Variants in CLCN7 observed in about 807,000 individuals in gnomAD.
CLCN7 encodes Cl-/H+ antiporter 7.
A neutral mutation model predicts 102.1 loss-of-function variants in CLCN7; 60 were observed. The ratio of observed to expected loss-of-function variants is 0.59; its 90% CI spans 0.48 to 0.73. The LOEUF (loss-of-function observed/expected upper bound fraction) is 0.73, where lower values mean the gene tolerates loss of function less well. Ranked by LOEUF, CLCN7 falls within the 30% of genes least tolerant of loss-of-function variation. The probability of loss-of-function intolerance (pLI) is 0.00; values close to 1 mark genes in which losing one functional copy is unlikely to be tolerated. For missense variants in CLCN7, 962 were observed against 1,125.7 expected, an observed-to-expected ratio of 0.85 and a Z score of 2.08; for synonymous variants, 560 against 490.5, an observed-to-expected ratio of 1.14 and a Z score of -1.87.
chr16:1,446,847 G>C, intron 24 of CLCN7, 130 bp from the exon 25 acceptor site: 1 of 1,106,944 alleles, frequency 9.0e-7, no homozygotes, highest in Non-Finnish European at 1.3e-6. Context: ...CCCCCGAGCT[G>C]AGCACGGGGC....
intron 5 of CLCN7, 91 bp from the exon 6 acceptor site, chr16:1,460,618 C>T: frequency 7.7e-7 from 1 of 1,296,764 alleles, no homozygotes; most frequent in Non-Finnish European, 1.1e-6. Context: ...CTGGCAGATG[C>T]CACCCTGCTG....
At chr16:1,455,906 A>G in intron 10 of CLCN7, 111 bp from the exon 11 acceptor site, 2 of 1,243,456 alleles carry the variant, frequency 1.6e-6, no homozygotes. Context: ...AAAGAAGCTA[A>G]TGGGGTGGGC....
intron 9 of CLCN7, among the ~76,000 whole-genome samples, chr16:1,456,568 G>T (rs1391712738): frequency 6.6e-6 from 1 of 152,238 alleles, no homozygotes; most frequent in Non-Finnish European, 1.5e-5. Flanking sequence ...GGCCGGCGCG[G>T]TGCCTCACGC....
At chr16:1,460,780 C>A (rs114599498) in intron 5 of CLCN7, 36 bp downstream of exon 5, 19 of 1,613,522 alleles carry the variant, frequency 1.2e-5, no homozygotes, top group East Asian at 2.2e-5. Flanking sequence ...GCCACGCCCC[C>A]CTCCCAAGCT....
chr16:1,446,934 G>A (rs1567263008), intron 24 of CLCN7, 72 bp downstream of exon 24: 8 of 1,402,866 alleles, frequency 5.7e-6, no homozygotes, highest in South Asian at 2.5e-5. Flanking sequence ...GCCGGGAGCT[G>A]AGAGTAAGCA....
intron 6 of CLCN7, among the ~76,000 whole-genome samples, chr16:1,459,995 G>A (rs1018638659): frequency 8.0e-5 from 12 of 149,300 alleles, no homozygotes; most frequent in African/African-American, 2.8e-4. Flanking sequence ...ACACACGTCG[G>A]GGCCTCAGGG....
At chr16:1,455,348 G>A (rs1168750024) in intron 11 of CLCN7, 98 bp from the exon 12 acceptor site, 7 of 865,380 alleles carry the variant, frequency 8.1e-6, no homozygotes, top group Non-Finnish European at 1.4e-5. Context: ...TCAGCCCCGG[G>A]GCCAGGAGTC....
intron 1 of CLCN7, chr16:1,466,540 G>A (rs139866032): frequency 1.3e-4 from 20 of 152,440 alleles, no homozygotes; most frequent in African/African-American, 4.8e-4. Context: ...AAGCAGAGAA[G>A]GAAGGTTTGG....
intron 9 of CLCN7, 25 bp from the exon 10 acceptor site, chr16:1,456,231 G>A (rs201471239): frequency 3.5e-5 from 54 of 1,543,284 alleles, no homozygotes; most frequent in African/African-American, 8.2e-5. Flanking sequence ...GACCAGGGTC[G>A]GGGCAGGTTC....
chr16:1,462,898 C>T (rs2038959066), intron 2 of CLCN7, among the ~76,000 whole-genome samples: 1 of 152,120 alleles, frequency 6.6e-6, no homozygotes, highest in Non-Finnish European at 1.5e-5. Flanking sequence ...CAATGGCTGA[C>T]AGCTATAATC....
chr16:1,447,535 G>A lies in CLCN7; in HGVS notation c.2107C>T (p.Gln703Ter). 1 of 1,555,972 alleles carries A rather than the reference G, an allele frequency of 6.4e-7. No individual in the cohort carries two copies. The highest frequency in any genetic ancestry group is 8.7e-7 in the Non-Finnish European group (1 of 1,150,102). The stretch of plus-strand genomic sequence containing the variant: ...AAGTCCTTCAGCCTCAGGCGCCGCT[G>A]TACCAGGCCCAGGTTGGACCGCTCC... ...FVERSNLGLV[Q>*]RRLRLKDFRD... is the part of the protein sequence containing the mutation. Residue 703 changes from glutamine to a stop codon, truncating the protein, a stop_gained, in exon 23 of 25, where the codon CAG becomes TAG. Transcript: ENST00000382745. LOFTEE classifies it high-confidence loss of function.
At chr16:1,468,820 T>G (rs1452136397) in intron 1 of CLCN7, among the ~76,000 whole-genome samples, 1 of 152,048 alleles carries the variant, frequency 6.6e-6, no homozygotes, top group Non-Finnish European at 1.5e-5. Context: ...AGGTAAACAT[T>G]GGGGGGAAAC....
chr16:1,471,960 C>T (rs1050450006), intron 1 of CLCN7: 1 of 152,542 alleles, frequency 6.6e-6, no homozygotes, highest in Non-Finnish European at 1.5e-5. Flanking sequence ...CAAACACACA[C>T]TCCCTCTGTC....
At chr16:1,452,965 C>A (rs1192023453) in intron 14 of CLCN7, 72 bp from the exon 15 acceptor site, 2 of 1,542,292 alleles carry the variant, frequency 1.3e-6, no homozygotes, top group Admixed American at 3.9e-5. Flanking sequence ...CATGGCAACT[C>A]GAGTCCCTGA....
chr16:1,465,402 A>T, intron 1 of CLCN7, 64 bp from the exon 2 acceptor site: 1 of 1,448,218 alleles, frequency 6.9e-7, no homozygotes, highest in Non-Finnish European at 9.5e-7. Flanking sequence ...GTGGATTCTC[A>T]CTCCCGCCGC....
In CLCN7 at chr16:1,471,144, T is replaced by A. The variant is rs568657126; in HGVS notation, c.141+3690A>T. On this transcript the variant is annotated intron_variant, in intron 1 of 24. Coordinates refer to ENST00000382745, the MANE Select transcript of CLCN7 (RefSeq NM_001287.6). ...ACAGGAACAGCAACCCACAGGCAGCTCTGAAGGGCCTGGGCTTTCAGCGGG... is the reference window on the plus strand; with the variant it reads ...ACAGGAACAGCAACCCACAGGCAGCACTGAAGGGCCTGGGCTTTCAGCGGG... Among the ~76,000 whole-genome samples, 20 of 152,156 alleles carry A rather than the reference T, an allele frequency of 1.3e-4. 1 individual carries two copies. The East Asian group carries it at 3.9e-3, about 29-fold the overall frequency.
In CLCN7 at chr16:1,457,598, G is replaced by C; in HGVS notation, c.738+96C>G. On this transcript the variant is annotated intron_variant, in intron 8 of 24. Transcript: ENST00000382745. The surrounding 1 kb of genome is among the most constrained non-coding windows in gnomAD (Gnocchi z 5.4). ...GTGACGCGGCCCTTCCTGGAGACCA[G>C]AAGGACCGGTGCTCAGAGACACACA... 1 of 1,281,454 alleles carries C rather than the reference G, an allele frequency of 7.8e-7. No homozygotes were observed. The highest frequency in any genetic ancestry group is 2.4e-5 in the East Asian group (1 of 41,828). The allele number at this position is 1,281,454 out of a possible 1,614,324, so 79.4% of individuals were successfully genotyped here.
At position 1,445,008 on chromosome 16, in the gene CLCN7, C is replaced by G. The variant is rs1451036503; in HGVS notation, c.*1623G>C. 1 of 148,930 alleles carries G rather than the reference C, an allele frequency of 6.7e-6. No homozygotes were observed. The highest frequency in any genetic ancestry group is 2.6e-5 in the African/African-American group (1 of 38,282). The allele number at this position is 148,930 out of a possible 1,614,324, so 9.2% of individuals were successfully genotyped here. On this transcript the variant is annotated 3_prime_UTR_variant, in exon 25 of 25. Transcript: ENST00000382745. ...TCACTTCCAGGTCCTCAGTACACAA[C>G]CACCACGAGGGAAACCCAGACCTAG...
At chr16:1,468,446 T>C (rs370840077) in intron 1 of CLCN7, among the ~76,000 whole-genome samples, 3 of 152,246 alleles carry the variant, frequency 2.0e-5, no homozygotes, top group Non-Finnish European at 2.9e-5. Context: ...GCTTTCGTAA[T>C]GGAAGAACAC....
Sources: gnomAD v4.1 joint callset for allele counts (sites outside exome capture counted in the v4.1 genomes callset) on GRCh38, gnomAD v4.1.1 for gene constraint, Gnocchi (gnomAD v3.1) non-coding constraint, MANE v1.5 for transcripts, NCBI Gene and HGNC (gene_info 2026-07-23, HGNC 2026-07-21) for gene names.